ABI3BP: variants seen among roughly 807,000 people sequenced by gnomAD.
ABI3BP encodes the protein target of Nesh-SH3.
Under a neutral mutation model 268.6 loss-of-function variants are expected in ABI3BP, and 216 were observed. The observed-to-expected ratio is 0.80, with a 90% CI of 0.72 to 0.90. The LOEUF is 0.90. Ranked by LOEUF, ABI3BP falls within the 40% of genes least tolerant of loss-of-function variation. ABI3BP has a pLI of 0.00. For missense variants in ABI3BP, 2,090 were observed against 2,182.4 expected (o/e 0.96, Z 0.84); for synonymous variants, 730 against 730.0 (o/e 1.00, Z 0.00).
rs1334211631 is a variant in ABI3BP, at chr3:100,850,095, G to A, written c.1451C>T (p.Pro484Leu). ...ACTGGTAAAGATTTCCAGTTTTTGAGGAACAAATGGTGTTTCACTTGGAGC... is the reference window on the plus strand; with the variant it reads ...ACTGGTAAAGATTTCCAGTTTTTGAAGAACAAATGGTGTTTCACTTGGAGC... Reference protein sequence around the residue: ...TLAPSETPFVPQKLEIFTSPE... With the variant: ...TLAPSETPFVLQKLEIFTSPE... Residue 484 changes from proline (P) to leucine (L), a missense_variant, in exon 17 of 68, where the codon CCT (proline) becomes CTT (leucine). Physicochemically the swap from Pro to Leu is moderately conservative, Grantham distance 98. Transcript: ENST00000471714. 1.2e-6 allele frequency: 2 copies of A among 1,610,380 alleles called. No individual in the cohort carries two copies.
At chr3:100,961,176 C>T (rs2078971313) in intron 1 of ABI3BP, among the ~76,000 whole-genome samples, 1 of 152,220 alleles carries the variant, frequency 6.6e-6, no homozygotes, top group African/African-American at 2.4e-5. Flanking sequence ...TTGCTGGGGC[C>T]TGATTTCAGG....
At chr3:100,934,179 G>C (rs1440534563) in intron 1 of ABI3BP, among the ~76,000 whole-genome samples, 1 of 150,424 alleles carries the variant, frequency 6.6e-6, no homozygotes, top group Non-Finnish European at 1.5e-5. Flanking sequence ...TCCCCTCCTT[G>C]TGTGCTTGTG....
At chr3:100,772,465 C>T (rs879581439) in intron 61 of ABI3BP, among the ~76,000 whole-genome samples, 2 of 151,840 alleles carry the variant, frequency 1.3e-5, no homozygotes, top group Non-Finnish European at 2.9e-5. Flanking sequence ...GTCCAAAGGC[C>T]AAGAGGGGAG....
chr3:100,884,167 C>A (rs1440278746), intron 6 of ABI3BP, among the ~76,000 whole-genome samples: 1 of 151,716 alleles, frequency 6.6e-6, no homozygotes, highest in African/African-American at 2.4e-5. Flanking sequence ...TATAGGTAAC[C>A]TTGTTAATGC....
intron 1 of ABI3BP, among the ~76,000 whole-genome samples, chr3:100,934,823 A>G (rs1158131319): frequency 3.3e-5 from 5 of 151,342 alleles, no homozygotes; most frequent in African/African-American, 4.9e-5. Flanking sequence ...CCACTTTTTG[A>G]TGGGGTTGTT....
chr3:100,760,042 C>T (rs1429123778), intron 63 of ABI3BP, among the ~76,000 whole-genome samples: 2 of 152,162 alleles, frequency 1.3e-5, no homozygotes, highest in Non-Finnish European at 2.9e-5. Flanking sequence ...TTCCAGCTAA[C>T]CAGTGCCAAC....
chr3:100,820,968 A>AG, intron 39 of ABI3BP, 86 bp downstream of exon 39: 1 of 1,120,308 alleles, frequency 8.9e-7, no homozygotes, highest in Non-Finnish European at 1.3e-6. Flanking sequence ...AGTCTTGAAA[A>AG]GCATAAGAAT....
chr3:100,792,696 G>C lies in ABI3BP; in HGVS notation c.4019C>G (p.Thr1340Ser), dbSNP rs748456306. The change falls in exon 55 of 68, where the codon ACT (threonine) becomes AGT (serine). Residue 1340 changes from threonine (T) to serine (S), a missense_variant. Thr to Ser is a moderately conservative substitution (Grantham distance 58, BLOSUM62 1). Coordinates refer to ENST00000471714, the MANE Select transcript of ABI3BP (RefSeq NM_001375547.2). ...GAGGTAGGGGAGAGGATTACCCTGA[G>C]TTGTCTTTGCTAGTTCAGTTGTTCG... ...IPRTTELAKT[T>S]QAPHRFYTTV... 31 of 1,611,164 alleles carry C rather than the reference G, an allele frequency of 1.9e-5. No individual in the cohort carries two copies. Among genetic ancestry groups the C allele is most frequent in the Middle Eastern group, 1.7e-4 (1 of 6,058 alleles).
At chr3:100,759,725 T>C (rs1447353085) in intron 63 of ABI3BP, among the ~76,000 whole-genome samples, 2 of 152,212 alleles carry the variant, frequency 1.3e-5, no homozygotes, top group African/African-American at 2.4e-5. Flanking sequence ...TTATGTACTT[T>C]TAGGTAGCTG....
intron 23 of ABI3BP, 52 bp from the exon 24 acceptor site, chr3:100,839,668 A>T: frequency 6.6e-7 from 1 of 1,515,150 alleles, no homozygotes; most frequent in Non-Finnish European, 8.9e-7. Context: ...TGGCATCGTG[A>T]GGAGGGAGAC....
chr3:100,944,831 A>T (rs948689579), intron 1 of ABI3BP, among the ~76,000 whole-genome samples: 1 of 152,176 alleles, frequency 6.6e-6, no homozygotes, highest in Non-Finnish European at 1.5e-5. Flanking sequence ...ACTTATCCTG[A>T]GAATATGGCC....
chr3:100,850,584 A>G, intron 16 of ABI3BP, 76 bp downstream of exon 16: 2 of 1,077,298 alleles, frequency 1.9e-6, no homozygotes, highest in East Asian at 2.4e-5. Context: ...TGAAATGGTC[A>G]TTTGGAAGAA....
intron 14 of ABI3BP, among the ~76,000 whole-genome samples, chr3:100,860,736 G>A (rs147042043): frequency 4.0e-3 from 603 of 152,200 alleles, no homozygotes; most frequent in African/African-American, 0.014. Context: ...ACCAAACACT[G>A]GATATTGCTT....
intron 20 of ABI3BP, among the ~76,000 whole-genome samples, chr3:100,842,249 C>T (rs1171715197): frequency 6.6e-6 from 1 of 151,990 alleles, no homozygotes; most frequent in East Asian, 2.0e-4. Context: ...TAGCTGTTAC[C>T]GTCACTTCCC....
chr3:100,980,479 C>G (rs1207598763), intron 1 of ABI3BP, among the ~76,000 whole-genome samples: 2 of 152,154 alleles, frequency 1.3e-5, no homozygotes, highest in African/African-American at 2.4e-5. Context: ...CCAGTATTCA[C>G]TATTAATATG....
intron 66 of ABI3BP, chr3:100,752,570 T>C: frequency 2.1e-6 from 1 of 480,894 alleles, no homozygotes. Context: ...TGGCACTGTT[T>C]TATAATTGCA....
chr3:100,877,206 T>C (rs909292770), intron 6 of ABI3BP, among the ~76,000 whole-genome samples: 1 of 152,196 alleles, frequency 6.6e-6, no homozygotes, highest in Non-Finnish European at 1.5e-5. Flanking sequence ...CACCGCCAAA[T>C]TGTTTTTACA....
chr3:100,864,201 T>C (rs528545573), intron 11 of ABI3BP, 125 bp from the exon 12 acceptor site: 5 of 683,288 alleles, frequency 7.3e-6, no homozygotes, highest in Admixed American at 4.5e-5. Flanking sequence ...ATACCTTTAA[T>C]GGAAATAACC....
Position 100,829,604 on chromosome 3 carries a change from G to T in ABI3BP, c.2519C>A (p.Pro840His), listed in dbSNP as rs1283489533. The T allele has an allele frequency of 6.5e-7, 1 of 1,535,642 alleles. No individual in the cohort carries two copies. Among genetic ancestry groups the T allele is most frequent in the Non-Finnish European group, 8.7e-7 (1 of 1,146,448 alleles). The stretch of plus-strand genomic sequence containing the variant: ...ACCCAGTTCAGTCTGAAGCTCTTCG[G>T]GACTCAGTGTGGTTTTAGGTTTGGG... ...PHPKPKTTLS[P>H]EELQTELVPA... Residue 840 changes from proline to histidine, a missense_variant, in exon 33 of 68, where the codon CCC becomes CAC. Transcript: ENST00000471714.
Sources: gnomAD v4.1 joint callset for allele counts (sites outside exome capture counted in the v4.1 genomes callset) on GRCh38, gnomAD v4.1.1 for gene constraint, MANE v1.5 for transcripts, NCBI Gene and HGNC (gene_info 2026-07-23, HGNC 2026-07-21) for gene names.